The following NBPF10 variants were observed in gnomAD, a reference collection of about 807,000 sequenced individuals.
NBPF10 encodes the protein NBPF member 10, also known as NBPF family member NBPF10.
A neutral mutation model predicts 77.9 loss-of-function variants in NBPF10; 63 were observed. The observed-to-expected ratio is 0.81, with a 90% CI of 0.66 to 1.00. The LOEUF is 1.00. NBPF10 is among the 50% of genes least tolerant of loss of function. The pLI, the probability that NBPF10 is intolerant of heterozygous loss-of-function variation, is 0.00. For synonymous variants in NBPF10, 146 were observed against 264.5 expected (o/e 0.55, Z 4.35); for missense variants, 522 against 679.8 (o/e 0.77, Z 2.58).
At position 146,139,091 on chromosome 1, in the gene NBPF10, AC is replaced by A. The variant is rs1458103314; in HGVS notation, c.779-647del. On this transcript the variant is annotated intron_variant, in intron 5 of 89. Coordinates refer to ENST00000583866, the Ensembl canonical transcript of NBPF10. ...AGCCAGCGCCCCTGGTCAGAGACTTACTTTTTTTTTTTTTTTTTTTTTTTTT... is the reference window on the plus strand; with the variant it reads ...AGCCAGCGCCCCTGGTCAGAGACTTATTTTTTTTTTTTTTTTTTTTTTTTT... Among the ~76,000 whole-genome samples the A allele has an allele frequency of 2.3e-5, 2 of 88,536 alleles. 1 individual carries two copies. Among genetic ancestry groups the A allele is most frequent in the African/African-American group, 8.5e-5 (2 of 23,610 alleles). 58.1% of individuals were successfully genotyped at this position (88,536 alleles called of 152,430 possible). A position where few individuals can be genotyped will look rare whatever the true frequency, so the allele number is the denominator to read the frequency against.
chr1:146,125,867 C>T (rs369064308), intron 14 of NBPF10, among the ~76,000 whole-genome samples: 2,296 of 150,988 alleles, frequency 0.015, 55 homozygotes, highest in African/African-American at 0.033. Flanking sequence ...ATCAAATACT[C>T]AGATTGTTCA....
exon 86 of NBPF10, chr1:146,069,686 C>T (rs61813408): frequency 0.21 from 149,699 of 711,246 alleles, 30,891 homozygotes; most frequent in Admixed American, 0.26. Flanking sequence ...GACTTCAGGC[C>T]CTTTCTCATC....
At chr1:146,126,496 G>A (rs1368958340) in intron 13 of NBPF10, 88 bp from the exon 14 acceptor site, 2 of 714,150 alleles carry the variant, frequency 2.8e-6, no homozygotes, top group Non-Finnish European at 5.2e-6. Flanking sequence ...ACATAAGGAA[G>A]AGTTTGAAAA....
intron 14 of NBPF10, among the ~76,000 whole-genome samples, chr1:146,125,977 C>G (rs1377175704): frequency 2.6e-5 from 4 of 151,668 alleles, no homozygotes; most frequent in South Asian, 2.1e-4. Context: ...TTTGTCATAT[C>G]TGCCCAGATC....
intron 13 of NBPF10, among the ~76,000 whole-genome samples, 166 bp from the exon 14 acceptor site, chr1:146,126,574 G>A (rs1553790097): frequency 6.9e-6 from 1 of 144,050 alleles, no homozygotes; most frequent in Non-Finnish European, 1.5e-5. Flanking sequence ...CTAGGGCCAG[G>A]TAGAAAAGGA....
At chr1:146,126,682 A>T (rs1458759429) in intron 13 of NBPF10, among the ~76,000 whole-genome samples, 1 of 146,382 alleles carries the variant, frequency 6.8e-6, no homozygotes, top group African/African-American at 2.5e-5. Context: ...TGAGGGAGTC[A>T]AAGGACACTC....
rs7364450 is a variant in NBPF10 at position 146,126,952 on chromosome 1, G to C, written c.1853+76C>G. ...GACAAGACAAAATCATTATTTTCAG[G>C]ATGTACTGTTTTCCCTGGACTTGGC... On this transcript the variant is annotated intron_variant, in intron 13 of 89. Transcript: ENST00000583866. 7.4e-4 allele frequency: 371 copies of C among 503,620 alleles called. 6 individuals are homozygous for C. The East Asian group carries it at 9.2e-3, about 12-fold the overall frequency. 31.2% of individuals were successfully genotyped at this position (503,620 alleles called of 1,614,324 possible).
At chr1:146,136,254 C>T (rs1553794878) in intron 7 of NBPF10, 99 bp downstream of exon 7, 1 of 884,016 alleles carries the variant, frequency 1.1e-6, no homozygotes, top group Non-Finnish European at 1.8e-6. Context: ...TCCTGCCCTT[C>T]CCCTGGCCCA....
intron 88 of NBPF10, 71 bp from the exon 89 acceptor site, chr1:146,067,359 A>C: frequency 2.4e-6 from 1 of 410,336 alleles, no homozygotes; most frequent in Non-Finnish European, 4.3e-6. Flanking sequence ...CCACTGTCTA[A>C]TCCTCACACA....
intron 5 of NBPF10, among the ~76,000 whole-genome samples, chr1:146,139,528 TG>T (rs1165555757): frequency 6.9e-6 from 1 of 145,272 alleles, no homozygotes; most frequent in Admixed American, 6.9e-5. Context: ...CCTGAGCAGT[TG>T]GGACTATAGG....
chr1:146,129,985 T>C (rs1163183931), intron 11 of NBPF10, among the ~76,000 whole-genome samples: 2 of 82,638 alleles, frequency 2.4e-5, no homozygotes, highest in African/African-American at 1.1e-4. Flanking sequence ...CATGTCCACA[T>C]TGGTGTGCTT....
exon 86 of NBPF10, chr1:146,069,695 T>A: frequency 4.9e-6 from 4 of 820,004 alleles, no homozygotes; most frequent in Non-Finnish European, 8.3e-6. Flanking sequence ...CCCTTTCTCA[T>A]CCAGCAGCTC....
At chr1:146,109,404 G>T (rs1657369534) in intron 35 of NBPF10, among the ~76,000 whole-genome samples, 2 of 39,574 alleles carry the variant, frequency 5.1e-5, no homozygotes, top group Non-Finnish European at 1.2e-4. Context: ...TGATGAGGGA[G>T]TAACAGGACA....
rs1347117202 is a variant in NBPF10 at position 146,073,198 on chromosome 1, C to A, written c.10131-297G>T. 4.4e-5 allele frequency among the ~76,000 whole-genome samples: 2 copies of A among 45,272 alleles called. 1 individual carries two copies. The highest frequency in any genetic ancestry group is 7.7e-5 in the Non-Finnish European group (2 of 25,932). The allele number at this position is 45,272 out of a possible 152,430, so 29.7% of individuals were successfully genotyped here. On this transcript the variant is annotated intron_variant, in intron 81 of 89. Transcript: ENST00000583866. ...ACACTCTGAGTTAGTGCCCTCGGGA[C>A]ACACAGCGAACAGTGATCATGAAAA...
intron 5 of NBPF10, among the ~76,000 whole-genome samples, chr1:146,138,977 T>C (rs1416112998): frequency 7.2e-6 from 1 of 138,758 alleles, no homozygotes; most frequent in Non-Finnish European, 1.7e-5. Flanking sequence ...AGAGACGGGG[T>C]TTCGCCATCT....
In NBPF10 at chr1:146,067,895, C is replaced by T. The variant is rs1391719402; in HGVS notation, c.11035+108G>A. On this transcript the variant is annotated intron_variant, in intron 88 of 89. Transcript: ENST00000583866. ...ACCTATATGCGCCCATAGGTCCTGCCTGCGGCAATGACGTCTCTCGGGTCA... is the reference window on the plus strand; with the variant it reads ...ACCTATATGCGCCCATAGGTCCTGCTTGCGGCAATGACGTCTCTCGGGTCA... The T allele has an allele frequency of 8.6e-6, 6 of 700,758 alleles. No homozygotes were observed. The Admixed American group carries it at 1.0e-4, about 12-fold the overall frequency. The allele number at this position is 700,758 out of a possible 1,614,324, so 43.4% of individuals were successfully genotyped here.
At chr1:146,133,089 A>G (rs150729051) in intron 10 of NBPF10, among the ~76,000 whole-genome samples, 4 of 40,296 alleles carry the variant, frequency 9.9e-5, no homozygotes, top group African/African-American at 3.0e-4. Context: ...AAGCTGACTT[A>G]AAGGAGATCC....
chr1:146,139,054 G>T (rs1660003122), intron 5 of NBPF10, among the ~76,000 whole-genome samples: 1 of 138,550 alleles, frequency 7.2e-6, no homozygotes. Context: ...AAAGTGCTGG[G>T]ATTAAGATGT....
At chr1:146,081,030 C>CTGAG (rs1656266521) in intron 71 of NBPF10, among the ~76,000 whole-genome samples, 5 of 35,464 alleles carry the variant, frequency 1.4e-4, no homozygotes, top group African/African-American at 2.0e-4. Context: ...CACACACACA[C>CTGAG]AGAGAGAGAG....
Sources: allele counts gnomAD v4.1 joint callset (sites outside exome capture counted in the v4.1 genomes callset), GRCh38; gene constraint gnomAD v4.1.1; transcripts MANE v1.5; gene names NCBI Gene and HGNC (gene_info 2026-07-23, HGNC 2026-07-21).